Variants in MLXIP observed in about 807,000 individuals in gnomAD.
The protein encoded by MLXIP is MLX-interacting protein.
MLXIP carries 30 observed loss-of-function variants against 87.2 expected under a neutral mutation model. The observed-to-expected ratio is 0.34, with a 90% CI of 0.26 to 0.47. The LOEUF (loss-of-function observed/expected upper bound fraction) is 0.47. Among genes scored for constraint, MLXIP ranks in the 20% least tolerant of loss-of-function variants. The pLI, the probability that MLXIP is intolerant of heterozygous loss-of-function variation, is 1.00. For synonymous variants in MLXIP, 530 were observed against 514.0 expected (o/e 1.03, Z -0.42); for missense variants, 1,002 against 1,240.1 (o/e 0.81, Z 2.88).
chr12:122,095,181 GGTGGTGT>G (rs1424147863), intron 1 of MLXIP, among the ~76,000 whole-genome samples: 4 of 141,456 alleles, frequency 2.8e-5, no homozygotes, highest in Non-Finnish European at 3.1e-5. Context: ...AGTGCGGTGT[GGTGGTGT>G]GTGTGGTGTG....
Position 122,140,958 on chromosome 12 carries a change from G to C in MLXIP, c.2513G>C (p.Ser838Thr). The change falls in exon 16 of 17, where the codon AGC (serine) becomes ACC (threonine). Residue 838 changes from serine (S) to threonine (T), a missense_variant. Physicochemically the swap from Ser to Thr is moderately conservative, Grantham distance 58. Transcript: ENST00000319080. ...TTCTTTAACCACACACTGCAGTTCA[G>C]CATCATCATCAAGCCGCTGTTTGAG... is the stretch of plus-strand genomic sequence containing the variant. Reference protein sequence around the residue: ...TLQNWKFWIFSIIIKPLFESF... With the variant: ...TLQNWKFWIFTIIIKPLFESF... 1 of 1,614,016 alleles carries C rather than the reference G, an allele frequency of 6.2e-7. No individual in the cohort carries two copies. The highest frequency in any genetic ancestry group is 8.5e-7 in the Non-Finnish European group (1 of 1,179,896).
Position 122,146,974 on chromosome 12 carries a change from A to AATCTTTTTC in MLXIP, c.*5163_*5171dup. On this transcript the variant is annotated 3_prime_UTR_variant, in exon 17 of 17. Transcript: ENST00000319080. ...CACAGTGCCCCCTTTTCTCTAGCCG[A>AATCTTTTTC]ATCTTTTTCGAACAGCCCGGGAAAG... 6.6e-6 allele frequency: 1 copy of AATCTTTTTC among 152,180 alleles called. No individual in the cohort carries two copies. The highest frequency in any genetic ancestry group is 1.9e-4 in the East Asian group (1 of 5,190). The allele number at this position is 152,180 out of a possible 1,614,324, so 9.4% of individuals were successfully genotyped here.
rs1953311004 is a variant in MLXIP, at chr12:122,146,815, C to A, written c.*5003C>A. 6.6e-6 allele frequency: 1 copy of A among 152,038 alleles called. No homozygotes were observed. Among genetic ancestry groups the A allele is most frequent in the Non-Finnish European group, 1.5e-5 (1 of 68,016 alleles). 9.4% of individuals were successfully genotyped at this position (152,038 alleles called of 1,614,324 possible). A position where few individuals can be genotyped will look rare whatever the true frequency, so the allele number is the denominator to read the frequency against. ...TTTCCTAACAGTTATTTGGTGGTCT[C>A]AAGAGTTGAGGTTGTGGAGGGTTGG... On this transcript the variant is annotated 3_prime_UTR_variant, in exon 17 of 17. Coordinates refer to ENST00000319080, the MANE Select transcript of MLXIP (RefSeq NM_014938.6).
intron 7 of MLXIP, 45 bp downstream of exon 7, chr12:122,130,978 C>T (rs527766628): frequency 6.4e-6 from 8 of 1,246,542 alleles, no homozygotes; most frequent in African/African-American, 1.5e-5. Context: ...CCATCTCCCC[C>T]AGCCCAGCAC....
intron 1 of MLXIP, among the ~76,000 whole-genome samples, chr12:122,090,262 G>A (rs1014991733): frequency 6.6e-6 from 1 of 152,160 alleles, no homozygotes; most frequent in Non-Finnish European, 1.5e-5. Flanking sequence ...TTGCGAGGCC[G>A]AGGCAGGCAG....
Position 122,133,982 on chromosome 12 carries a change from C to T in MLXIP, c.1727C>T (p.Ala576Val), listed in dbSNP as rs375824258. ...TTGGTGTTGAAGAATGCCCGTATCG[C>T]CCCAGGTGAGCCAGGCGGGGAGACT... ...VSLVLKNARI[A>V]PAAFSGQPQA... The change falls in exon 9 of 17, where the codon GCC becomes GTC. Residue 576 changes from alanine to valine, a missense_variant. Physicochemically the swap from Ala to Val is moderately conservative, Grantham distance 64 (BLOSUM62 0). Transcript: ENST00000319080. The surrounding 1 kb of genome is among the most constrained non-coding windows in gnomAD (Gnocchi z 4.9). The T allele has an allele frequency of 1.0e-4, 159 of 1,596,500 alleles. No individual in the cohort carries two copies. Among genetic ancestry groups the T allele is most frequent in the Non-Finnish European group, 1.3e-4 (148 of 1,170,478 alleles).
In MLXIP at chr12:122,115,588, C is replaced by CAAAAAAAAAAAAAA. The variant is rs35318582; in HGVS notation, c.414-11664_414-11651dup. On this transcript the variant is annotated intron_variant, in intron 1 of 16. Transcript: ENST00000319080. ...GGGCAACAAGAGCGAAACTCCTTCT[C>CAAAAAAAAAAAAAA]AAAAAAAAAAAAAAAAAGACCAGTA... 2.3e-4 allele frequency among the ~76,000 whole-genome samples: 26 copies of CAAAAAAAAAAAAAA among 110,694 alleles called. 6 individuals are homozygous for CAAAAAAAAAAAAAA. Among genetic ancestry groups the CAAAAAAAAAAAAAA allele is most frequent in the African/African-American group, 9.6e-4 (23 of 23,850 alleles). The allele number at this position is 110,694 out of a possible 152,430, so 72.6% of individuals were successfully genotyped here. A position where few individuals can be genotyped will look rare whatever the true frequency, so the allele number is the denominator to read the frequency against.
chr12:122,114,737 C>T (rs200243720), intron 1 of MLXIP, among the ~76,000 whole-genome samples: 16 of 121,018 alleles, frequency 1.3e-4, no homozygotes, highest in Admixed American at 5.4e-4. Flanking sequence ...AAGGTGACTT[C>T]TTTTTTTTTT....
intron 1 of MLXIP, among the ~76,000 whole-genome samples, chr12:122,092,238 C>T (rs1952256723): frequency 6.6e-6 from 1 of 152,046 alleles, no homozygotes; most frequent in Non-Finnish European, 1.5e-5. Context: ...GCTGGGACTA[C>T]AAGGCATGCA....
intron 1 of MLXIP, among the ~76,000 whole-genome samples, chr12:122,087,312 G>A (rs964502767): frequency 6.6e-5 from 10 of 152,188 alleles, no homozygotes; most frequent in African/African-American, 1.9e-4. Flanking sequence ...CCATGCTAGT[G>A]GGGGGATTGT....
At chr12:122,124,639 A>G (rs930444683) in intron 1 of MLXIP, among the ~76,000 whole-genome samples, 12 of 151,206 alleles carry the variant, frequency 7.9e-5, no homozygotes, top group African/African-American at 2.7e-4. Context: ...TGGCAAACAT[A>G]AGAGAAAGGA....
chr12:122,099,371 A>G (rs1952402768), intron 1 of MLXIP, among the ~76,000 whole-genome samples: 2 of 152,150 alleles, frequency 1.3e-5, no homozygotes, highest in Admixed American at 6.6e-5. Context: ...GCCAGCGGGC[A>G]TCCTGGACCC....
intron 1 of MLXIP, among the ~76,000 whole-genome samples, chr12:122,098,249 C>T (rs572166924): frequency 2.5e-4 from 38 of 152,292 alleles, no homozygotes; most frequent in African/African-American, 8.9e-4. Flanking sequence ...TCTATTCTTC[C>T]GGTGCCCCCC....
chr12:122,139,119 TG>T (rs1300497347), intron 15 of MLXIP, 181 bp downstream of exon 15: 8 of 522,372 alleles, frequency 1.5e-5, no homozygotes, highest in African/African-American at 2.1e-5. Flanking sequence ...CTGTGTGGGC[TG>T]GAGGTGCTGA....
chr12:122,129,821 C>A, intron 5 of MLXIP, 120 bp from the exon 6 acceptor site: 1 of 1,365,858 alleles, frequency 7.3e-7, no homozygotes, highest in Non-Finnish European at 1.0e-6. Context: ...ATGCCTCCAC[C>A]CTGCTGCCTC....
intron 1 of MLXIP, among the ~76,000 whole-genome samples, chr12:122,111,394 G>A (rs1340045770): frequency 5.3e-5 from 8 of 152,168 alleles, no homozygotes; most frequent in Non-Finnish European, 2.9e-5. Context: ...TAAGCCAGGT[G>A]TCTGCAATTG....
At chr12:122,116,628 C>T (rs1214941890) in intron 1 of MLXIP, among the ~76,000 whole-genome samples, 1 of 152,186 alleles carries the variant, frequency 6.6e-6, no homozygotes, top group Non-Finnish European at 1.5e-5. Context: ...GGGGTCCCTG[C>T]CCCTGCCCCT....
intron 1 of MLXIP, among the ~76,000 whole-genome samples, chr12:122,127,055 C>A (rs561912603): frequency 6.6e-6 from 1 of 152,074 alleles, no homozygotes; most frequent in Non-Finnish European, 1.5e-5. Context: ...CTGCCCTCCG[C>A]GCCCTGACAG....
At chr12:122,123,626 TGG>T (rs1952820339) in intron 1 of MLXIP, among the ~76,000 whole-genome samples, 1 of 152,226 alleles carries the variant, frequency 6.6e-6, no homozygotes, top group Non-Finnish European at 1.5e-5. Context: ...TTAAAGCTGT[TGG>T]TATGACACCC....
Sources: gnomAD v4.1 joint callset for allele counts (sites outside exome capture counted in the v4.1 genomes callset) on GRCh38, gnomAD v4.1.1 for gene constraint, Gnocchi (gnomAD v3.1) non-coding constraint, MANE v1.5 for transcripts, NCBI Gene and HGNC (gene_info 2026-07-23, HGNC 2026-07-21) for gene names.